Variants in LAMA2 observed in about 807,000 individuals in gnomAD.
LAMA2 encodes the protein laminin subunit alpha 2.
LAMA2 carries 269 observed loss-of-function variants against 364.8 expected under a neutral mutation model. That is an observed-to-expected ratio of 0.74 (90% CI 0.67 to 0.82). LAMA2 has a LOEUF of 0.82. LAMA2 is among the 40% of genes least tolerant of loss of function. The pLI is 0.00. For missense variants in LAMA2, 3,807 were observed against 3,873.2 expected (o/e 0.98, Z 0.45); for synonymous variants, 1,379 against 1,370.6 (o/e 1.01, Z -0.14).
rs138948857 is a variant in LAMA2 at position 128,890,899 on chromosome 6, T to G, written c.112+7542T>G. Among the ~76,000 whole-genome samples the G allele has an allele frequency of 2.0e-5, 3 of 152,210 alleles. No homozygotes were observed. In the East Asian group the frequency reaches 5.8e-4, roughly 29 times the overall value. On this transcript the variant is annotated intron_variant, in intron 1 of 64. Transcript: ENST00000421865. ...GCAAGATTAATCTCAAAATTCCTTC[T>G]GAAAAGATGAAAAACCTTGACATCT...
Position 128,900,239 on chromosome 6 carries a change from G to A in LAMA2, c.112+16882G>A, listed in dbSNP as rs961098649. Among the ~76,000 whole-genome samples, 11 of 152,082 alleles carry A rather than the reference G, an allele frequency of 7.2e-5. No homozygotes were observed. The East Asian group carries it at 1.9e-3, about 27-fold the overall frequency. ...ACCTATATTCTTCTCCTTACTTTAA[G>A]AATGAAACTAATAAAAAATAAGGCG... On this transcript the variant is annotated intron_variant, in intron 1 of 64. Coordinates refer to ENST00000421865, the MANE Select transcript of LAMA2 (RefSeq NM_000426.4).
chr6:129,141,327 A>G (rs945274793), intron 4 of LAMA2, among the ~76,000 whole-genome samples: 3 of 152,036 alleles, frequency 2.0e-5, no homozygotes, highest in African/African-American at 7.2e-5. Context: ...TTTCTGGCTC[A>G]CCTGCTAGGT....
chr6:129,343,878 ATT>A (rs1254613887), intron 30 of LAMA2, among the ~76,000 whole-genome samples: 1 of 152,162 alleles, frequency 6.6e-6, no homozygotes, highest in Non-Finnish European at 1.5e-5. Flanking sequence ...TAATTTCAGG[ATT>A]TTCACTGGTG....
In LAMA2 at chr6:129,114,520, A is replaced by C. The variant is rs181158890; in HGVS notation, c.639+16105A>C. 2.0e-4 allele frequency among the ~76,000 whole-genome samples: 31 copies of C among 152,224 alleles called. No individual in the cohort carries two copies. In the East Asian group the frequency reaches 5.2e-3, roughly 26 times the overall value. On this transcript the variant is annotated intron_variant, in intron 4 of 64. Transcript: ENST00000421865. Reference sequence around the variant, plus strand: ...AGGATGTTTCTTGAGATAGGAATACAAATAAACTTTTGCTTGTTTGTTTGT... The same window carrying C: ...AGGATGTTTCTTGAGATAGGAATACCAATAAACTTTTGCTTGTTTGTTTGT...
chr6:129,165,565 AT>A lies in LAMA2; in HGVS notation c.1207-6del. The A allele has an allele frequency of 1.3e-6, 2 of 1,575,982 alleles. No homozygotes were observed. Among genetic ancestry groups the A allele is most frequent in the Non-Finnish European group, 1.7e-6 (2 of 1,147,020 alleles). ...TACACTTCGTTAAATTCATTTTAAT[AT>A]TTTTGTTAGGTATCTCCAAATTATC... On this transcript the variant is annotated splice_polypyrimidine_tract_variant and intron_variant, in intron 8 of 64. Transcript: ENST00000421865.
intron 1 of LAMA2, among the ~76,000 whole-genome samples, chr6:128,968,849 C>A (rs1782014249): frequency 6.6e-6 from 1 of 152,058 alleles, no homozygotes. Context: ...CACGTGGGAC[C>A]TTGTGCTTCG....
chr6:128,945,961 G>C (rs867461778), intron 1 of LAMA2, among the ~76,000 whole-genome samples: 1 of 152,210 alleles, frequency 6.6e-6, no homozygotes, highest in African/African-American at 2.4e-5. Flanking sequence ...TCCTAAAAGA[G>C]TGTCTAGTTC....
intron 1 of LAMA2, among the ~76,000 whole-genome samples, chr6:129,011,716 C>T (rs774358205): frequency 8.5e-5 from 13 of 152,108 alleles, no homozygotes; most frequent in Non-Finnish European, 1.6e-4. Context: ...ACTGTTTACT[C>T]CGGACTTTCA....
chr6:129,342,255 A>G, intron 29 of LAMA2, 88 bp from the exon 30 acceptor site: 1 of 1,144,012 alleles, frequency 8.7e-7, no homozygotes, highest in South Asian at 1.2e-5. Context: ...GTTCATAGAC[A>G]CACATTCATA....
At chr6:128,903,676 C>G (rs1419507018) in intron 1 of LAMA2, among the ~76,000 whole-genome samples, 2 of 152,002 alleles carry the variant, frequency 1.3e-5, no homozygotes, top group Non-Finnish European at 2.9e-5. Context: ...CTTTATTATT[C>G]CCTTGTAGGA....
At chr6:129,460,878 AAGG>A (rs1016887539) in intron 49 of LAMA2, among the ~76,000 whole-genome samples, 16 of 151,918 alleles carry the variant, frequency 1.1e-4, no homozygotes, top group Admixed American at 7.2e-4. Flanking sequence ...TTCAAGAGAG[AAGG>A]AGAACAAGGG....
chr6:129,294,743 C>T lies in LAMA2; in HGVS notation c.2857-2942C>T, dbSNP rs185607722. ...ACTGTAGGTTGTCTTGCAGGTAGAT[C>T]GGATGAGGCGCCTCCAAGGCTGTCT... On this transcript the variant is annotated intron_variant, in intron 20 of 64. Transcript: ENST00000421865. Among the ~76,000 whole-genome samples the T allele has an allele frequency of 3.9e-5, 6 of 152,264 alleles. No homozygotes were observed. The South Asian group carries it at 6.2e-4, about 16-fold the overall frequency.
intron 12 of LAMA2, 57 bp from the exon 13 acceptor site, chr6:129,250,055 T>C: frequency 9.7e-7 from 1 of 1,030,718 alleles, no homozygotes; most frequent in Admixed American, 1.7e-5. Context: ...GTAAGTAAAA[T>C]ATGATTTAAT....
At chr6:129,154,408 T>G (rs1463144961) in intron 7 of LAMA2, 97 bp from the exon 8 acceptor site, 2 of 1,128,024 alleles carry the variant, frequency 1.8e-6, no homozygotes, top group Non-Finnish European at 2.6e-6. Context: ...AGTGAGACTC[T>G]GTCTCAAAAA....
At chr6:129,225,405 A>G (rs1784183495) in intron 12 of LAMA2, among the ~76,000 whole-genome samples, 1 of 152,048 alleles carries the variant, frequency 6.6e-6, no homozygotes, top group East Asian at 1.9e-4. Flanking sequence ...TTGCTTCTCT[A>G]GTTCTTTTAA....
intron 1 of LAMA2, among the ~76,000 whole-genome samples, chr6:128,931,587 G>T (rs1204353129): frequency 6.6e-6 from 1 of 152,112 alleles, no homozygotes; most frequent in East Asian, 1.9e-4. Context: ...ATCCTTACAG[G>T]ACATGAATGG....
intron 1 of LAMA2, among the ~76,000 whole-genome samples, chr6:128,915,495 A>G (rs1263107730): frequency 1.3e-5 from 2 of 152,168 alleles, no homozygotes; most frequent in Non-Finnish European, 2.9e-5. Context: ...AGTACAGCCC[A>G]CTGAACACTG....
chr6:129,208,527 AAGAAAG>A (rs1782835443), intron 12 of LAMA2, among the ~76,000 whole-genome samples: 1 of 147,248 alleles, frequency 6.8e-6, no homozygotes, highest in East Asian at 2.0e-4. Context: ...GAGAAAAAGA[AAGAAAG>A]AGAGAAAGAA....
chr6:128,926,073 C>T (rs1779074474), intron 1 of LAMA2, among the ~76,000 whole-genome samples: 1 of 152,178 alleles, frequency 6.6e-6, no homozygotes, highest in Non-Finnish European at 1.5e-5. Context: ...AGGATTTCTA[C>T]ATATTACTTC....
Sources: allele counts gnomAD v4.1 joint callset (sites outside exome capture counted in the v4.1 genomes callset), GRCh38; gene constraint gnomAD v4.1.1; transcripts MANE v1.5; gene names NCBI Gene and HGNC (gene_info 2026-07-23, HGNC 2026-07-21).